Variants in EPHA3 observed in about 807,000 individuals in gnomAD.
The protein encoded by EPHA3 is ephrin type-A receptor 3.
In EPHA3, 42 loss-of-function variants were observed where a neutral mutation model predicts 107.1. That is an observed-to-expected ratio of 0.39 (90% CI 0.31 to 0.51). EPHA3 has a LOEUF of 0.51. Among genes scored for constraint, EPHA3 ranks in the 20% least tolerant of loss-of-function variants. EPHA3 has a pLI of 0.78. For missense variants in EPHA3, 1,183 were observed against 1,211.2 expected (o/e 0.98, Z 0.35); for synonymous variants, 461 against 424.8 (o/e 1.09, Z -1.05).
chr3:89,129,067 T>C (rs887102141), intron 2 of EPHA3, among the ~76,000 whole-genome samples: 4 of 152,156 alleles, frequency 2.6e-5, no homozygotes, highest in African/African-American at 4.8e-5. Flanking sequence ...GCTCCAGACA[T>C]TGTGAATCAG....
chr3:89,272,794 T>C (rs1705706467), intron 3 of EPHA3, among the ~76,000 whole-genome samples: 1 of 151,966 alleles, frequency 6.6e-6, no homozygotes, highest in African/African-American at 2.4e-5. Context: ...AAAGTTGGAA[T>C]ATTATTGGGA....
At chr3:89,253,228 GACTA>G (rs959916083) in intron 3 of EPHA3, among the ~76,000 whole-genome samples, 25 of 151,936 alleles carry the variant, frequency 1.6e-4, no homozygotes, top group African/African-American at 6.0e-4. Flanking sequence ...TTTTTCCAAT[GACTA>G]ACTATACCTC....
At chr3:89,256,472 G>C (rs1705288200) in intron 3 of EPHA3, among the ~76,000 whole-genome samples, 1 of 152,082 alleles carries the variant, frequency 6.6e-6, no homozygotes, top group Non-Finnish European at 1.5e-5. Context: ...TCGGGAACCT[G>C]AGGCAGGAGA....
chr3:89,255,002 G>T (rs1367086726), intron 3 of EPHA3, among the ~76,000 whole-genome samples: 3 of 152,132 alleles, frequency 2.0e-5, no homozygotes, highest in Non-Finnish European at 4.4e-5. Context: ...AATGCTTTCT[G>T]AGATTCAAAC....
rs561485829 is a variant in EPHA3 at position 89,341,139 on chromosome 3, G to GT, written c.970+73dup. The GT allele has an allele frequency of 6.6e-5, 99 of 1,494,310 alleles. No individual in the cohort carries two copies. The South Asian group carries it at 1.2e-3, about 18-fold the overall frequency. 92.6% of individuals were successfully genotyped at this position (1,494,310 alleles called of 1,614,324 possible). A position where few individuals can be genotyped will look rare whatever the true frequency, so the allele number is the denominator to read the frequency against. On this transcript the variant is annotated intron_variant, in intron 4 of 16. Coordinates refer to ENST00000336596, the MANE Select transcript of EPHA3 (RefSeq NM_005233.6). ...TTTTCTTCTTGTTACTGTGCTGTTT[G>GT]TTTTTGTTTTAAAGCATTTGGCCCA...
chr3:89,230,065 A>C (rs879358858), intron 3 of EPHA3, among the ~76,000 whole-genome samples: 1 of 152,104 alleles, frequency 6.6e-6, no homozygotes, highest in Non-Finnish European at 1.5e-5. Flanking sequence ...AGTGTATATG[A>C]GTAATAAAAG....
At chr3:89,132,269 G>C (rs543686198) in intron 2 of EPHA3, among the ~76,000 whole-genome samples, 1 of 152,130 alleles carries the variant, frequency 6.6e-6, no homozygotes, top group Non-Finnish European at 1.5e-5. Context: ...ACTGAATTAC[G>C]TGAAAGAATG....
At chr3:89,309,133 T>G (rs1191653350) in intron 3 of EPHA3, among the ~76,000 whole-genome samples, 1 of 152,140 alleles carries the variant, frequency 6.6e-6, no homozygotes, top group Non-Finnish European at 1.5e-5. Flanking sequence ...AAAGAGCCTT[T>G]GGATTTAGCA....
At chr3:89,201,725 G>A (rs1459694381) in intron 2 of EPHA3, among the ~76,000 whole-genome samples, 2 of 152,176 alleles carry the variant, frequency 1.3e-5, no homozygotes, top group East Asian at 3.9e-4. Flanking sequence ...TGCTTCGAGT[G>A]TTTATTTAGA....
At position 89,193,079 on chromosome 3, in the gene EPHA3, G is replaced by A. The variant is rs369358732; in HGVS notation, c.154-16781G>A. 1.5e-3 allele frequency among the ~76,000 whole-genome samples: 222 copies of A among 152,000 alleles called. 2 individuals are homozygous for A. Among genetic ancestry groups the A allele is most frequent in the African/African-American group, 4.9e-3 (205 of 41,492 alleles). On this transcript the variant is annotated intron_variant, in intron 2 of 16. Coordinates refer to ENST00000336596, the MANE Select transcript of EPHA3 (RefSeq NM_005233.6). ...AAAATTTATCTGGATAGTAAATAGAGGTATAATTGCATAACGTTGTAGTTT... is the reference window on the plus strand; with the variant it reads ...AAAATTTATCTGGATAGTAAATAGAAGTATAATTGCATAACGTTGTAGTTT...
chr3:89,378,741 C>G (rs1226517642), intron 5 of EPHA3, among the ~76,000 whole-genome samples: 1 of 152,130 alleles, frequency 6.6e-6, no homozygotes, highest in African/African-American at 2.4e-5. Flanking sequence ...TTGAAAGAAA[C>G]AAGTATTGCT....
At chr3:89,282,138 T>C (rs1705962422) in intron 3 of EPHA3, among the ~76,000 whole-genome samples, 1 of 152,152 alleles carries the variant, frequency 6.6e-6, no homozygotes, top group Non-Finnish European at 1.5e-5. Context: ...AAATGGTGGG[T>C]AAATATAGGC....
intron 3 of EPHA3, among the ~76,000 whole-genome samples, chr3:89,340,358 G>A (rs1263718956): frequency 6.6e-6 from 1 of 152,138 alleles, no homozygotes; most frequent in African/African-American, 2.4e-5. Context: ...GCCATAGGAA[G>A]TAAGGAAAAG....
chr3:89,146,544 C>T (rs1449611648), intron 2 of EPHA3, among the ~76,000 whole-genome samples: 2 of 151,866 alleles, frequency 1.3e-5, no homozygotes, highest in Non-Finnish European at 2.9e-5. Context: ...GGATATTAGA[C>T]CTTTGTCAGA....
chr3:89,243,896 G>A (rs1448425009), intron 3 of EPHA3, among the ~76,000 whole-genome samples: 1 of 151,998 alleles, frequency 6.6e-6, no homozygotes, highest in Non-Finnish European at 1.5e-5. Context: ...CTTACCACTT[G>A]TTCTTTTACA....
At chr3:89,285,105 A>G (rs1164461568) in intron 3 of EPHA3, among the ~76,000 whole-genome samples, 1 of 152,204 alleles carries the variant, frequency 6.6e-6, no homozygotes, top group African/African-American at 2.4e-5. Flanking sequence ...CTTGGGCAAC[A>G]GAGCGAAACT....
intron 6 of EPHA3, among the ~76,000 whole-genome samples, chr3:89,398,077 A>G (rs1708885981): frequency 1.3e-5 from 2 of 152,228 alleles, no homozygotes; most frequent in Admixed American, 1.3e-4. Flanking sequence ...ATATTTAGAA[A>G]GATTCTCTAG....
chr3:89,268,708 C>G (rs1188049300), intron 3 of EPHA3, among the ~76,000 whole-genome samples: 1 of 151,880 alleles, frequency 6.6e-6, no homozygotes, highest in East Asian at 1.9e-4. Flanking sequence ...GAAATCTTGT[C>G]TATAGCACTT....
At chr3:89,340,168 G>A (rs1265378803) in intron 3 of EPHA3, among the ~76,000 whole-genome samples, 1 of 151,948 alleles carries the variant, frequency 6.6e-6, no homozygotes, top group Non-Finnish European at 1.5e-5. Context: ...CAGTTCAATA[G>A]GCTTACAAAA....
Sources: allele counts gnomAD v4.1 joint callset (sites outside exome capture counted in the v4.1 genomes callset), GRCh38; gene constraint gnomAD v4.1.1; transcripts MANE v1.5; gene names NCBI Gene and HGNC (gene_info 2026-07-23, HGNC 2026-07-21).